Variants in ZNF717 observed in about 807,000 individuals in gnomAD.
ZNF717 encodes zinc finger protein 717.
In ZNF717, 9 loss-of-function variants were observed where a neutral mutation model predicts 13.8. That is an observed-to-expected ratio of 0.65 (90% CI 0.39 to 1.14). The LOEUF is 1.14. Ranked by LOEUF, ZNF717 falls within the 50% of genes most tolerant of loss-of-function variation. The pLI is 0.01. For synonymous variants in ZNF717, 327 were observed against 364.1 expected (o/e 0.90, Z 1.16); for missense variants, 1,040 against 1,080.7 (o/e 0.96, Z 0.53).
At chr3:75,745,416 T>C (rs140808933) in intron 2 of ZNF717, among the ~76,000 whole-genome samples, 45,092 of 151,684 alleles carry the variant, frequency 0.3, 7,780 homozygotes, top group East Asian at 0.56. Flanking sequence ...ACGCATACAT[T>C]GTGAAAAGGT....
chr3:75,725,779 C>T (rs1938267817), downstream of ZNF717, among the ~76,000 whole-genome samples: 1 of 152,200 alleles, frequency 6.6e-6, no homozygotes, highest in Non-Finnish European at 1.5e-5. Context: ...CAACACAGTC[C>T]TCATGATTCA....
chr3:75,749,521 A>G (rs796855698), intron 2 of ZNF717, among the ~76,000 whole-genome samples: 2 of 151,798 alleles, frequency 1.3e-5, no homozygotes, highest in African/African-American at 4.8e-5. Flanking sequence ...ACTCCACAAC[A>G]CTGCTGCTGT....
intron 2 of ZNF717, among the ~76,000 whole-genome samples, chr3:75,758,574 G>A (rs533385484): frequency 2.0e-5 from 3 of 151,334 alleles, no homozygotes; most frequent in African/African-American, 7.2e-5. Context: ...AAACAACATC[G>A]TATGCTACAG....
At chr3:75,777,206 A>G (rs11709762) in intron 2 of ZNF717, among the ~76,000 whole-genome samples, 46,642 of 151,724 alleles carry the variant, frequency 0.31, 8,743 homozygotes, top group Non-Finnish European at 0.42. Context: ...CCGGAAACCC[A>G]AAACAATGGG....
At chr3:75,748,957 G>A (rs1183634270) in intron 2 of ZNF717, among the ~76,000 whole-genome samples, 2 of 152,186 alleles carry the variant, frequency 1.3e-5, no homozygotes, top group African/African-American at 4.8e-5. Context: ...CACTACTGCT[G>A]TGGTCCGAGT....
chr3:75,704,431 A>ATG (rs1240359150), intron 6 of ZNF717, among the ~76,000 whole-genome samples: 8,290 of 144,388 alleles, frequency 0.057, no homozygotes, highest in East Asian at 0.17. Flanking sequence ...CAAGTGGGCC[A>ATG]TCTTTTAGAG....
At chr3:75,774,465 G>A (rs1944149457) in intron 2 of ZNF717, among the ~76,000 whole-genome samples, 1 of 152,080 alleles carries the variant, frequency 6.6e-6, no homozygotes, top group Non-Finnish European at 1.5e-5. Flanking sequence ...ACACCCAAAA[G>A]AGAGGTAAAC....
chr3:75,732,024 T>C, downstream of ZNF717: 2 of 701,672 alleles, frequency 2.9e-6, no homozygotes, highest in Admixed American at 2.0e-5. Context: ...ACCAGGGAGA[T>C]CCAGTTATGA....
rs1282739702 is a variant in ZNF717, at chr3:75,743,450, T to C, written c.58-1714A>G. Reference sequence around the variant, plus strand: ...TATACACTGGCATTTCAAAATTTCCTTTCTACGGGACAAAAAATTGCTGTA... The same window carrying C: ...TATACACTGGCATTTCAAAATTTCCCTTCTACGGGACAAAAAATTGCTGTA... On this transcript the variant is annotated intron_variant, in intron 2 of 4. Transcript: ENST00000652011. Among the ~76,000 whole-genome samples, 4 of 151,692 alleles carry C rather than the reference T, an allele frequency of 2.6e-5. No individual in the cohort carries two copies. The East Asian group carries it at 7.7e-4, about 29-fold the overall frequency.
chr3:75,777,004 A>G (rs1256872475), intron 2 of ZNF717, among the ~76,000 whole-genome samples: 2 of 152,246 alleles, frequency 1.3e-5, no homozygotes, highest in Admixed American at 6.5e-5. Context: ...TAAGGAGCAT[A>G]TGCCAAATTC....
At chr3:75,733,672 G>A (rs79112338), downstream of ZNF717, among the ~76,000 whole-genome samples, 22 of 150,074 alleles carry the variant, frequency 1.5e-4, no homozygotes, top group Non-Finnish European at 2.7e-4. Flanking sequence ...CTAGCTACTC[G>A]GGAGGCTGAG....
rs1945096952 is a variant in ZNF717 at position 75,785,451 on chromosome 3, TCCGGCCCCCCGGGATCCC to T, written c.-88_-71del. ...TGCTCCCACAACTGGGGAACACTGG[TCCGGCCCCCCGGGATCCC>T]CCGGGCCCACGGGTTCCTCTTCGCC... On this transcript the variant is annotated 5_prime_UTR_variant, in exon 1 of 5. Coordinates refer to ENST00000652011, the MANE Select transcript of ZNF717 (RefSeq NM_001290208.3). 2 of 152,794 alleles carry T rather than the reference TCCGGCCCCCCGGGATCCC, an allele frequency of 1.3e-5. No homozygotes were observed. Among genetic ancestry groups the T allele is most frequent in the Admixed American group, 6.5e-5 (1 of 15,314 alleles). 9.5% of individuals were successfully genotyped at this position (152,794 alleles called of 1,614,324 possible). A position where few individuals can be genotyped will look rare whatever the true frequency, so the allele number is the denominator to read the frequency against.
At chr3:75,741,073 T>C (rs1212496571) in intron 4 of ZNF717, among the ~76,000 whole-genome samples, 168 of 152,180 alleles carry the variant, frequency 1.1e-3, no homozygotes, top group Admixed American at 1.3e-3. Context: ...TTGGGGTAAA[T>C]AGAAGAAGAT....
In ZNF717 at chr3:75,737,524, T is replaced by C. The variant is rs772657994; in HGVS notation, c.2099A>G (p.Lys700Arg). 2 of 1,553,698 alleles carry C rather than the reference T, an allele frequency of 1.3e-6. No homozygotes were observed. Among genetic ancestry groups the C allele is most frequent in the South Asian group, 1.2e-5 (1 of 84,178 alleles). ...LLYIRELTPG[K>R]SPMNVMNVEN... ...CACATTCATTACATTCATAGGGCTT[T>C]TCCCCGGTGTGAGTTCTCTGATGTA... Residue 700 changes from lysine (K) to arginine (R), a missense_variant, in exon 5 of 5, where the codon AAA becomes AGA. This residue lies in a region of ZNF717 where 873 missense variants were observed against 832.8 expected (regional missense o/e 1.05). Transcript: ENST00000652011.
At chr3:75,728,570 C>A (rs1938346698), downstream of ZNF717, among the ~76,000 whole-genome samples, 1 of 149,128 alleles carries the variant, frequency 6.7e-6, no homozygotes, top group African/African-American at 2.5e-5. Context: ...ACCATGGGGG[C>A]AGTTTCCTCT....
intron 4 of ZNF717, among the ~76,000 whole-genome samples, chr3:75,718,030 G>A (rs1337377216): frequency 3.3e-5 from 5 of 152,150 alleles, no homozygotes; most frequent in African/African-American, 1.2e-4. Context: ...CAGGGAACAG[G>A]GAGAAGACAA....
chr3:75,763,357 C>A (rs1447499628), intron 2 of ZNF717, among the ~76,000 whole-genome samples: 2 of 152,150 alleles, frequency 1.3e-5, no homozygotes, highest in Non-Finnish European at 2.9e-5. Flanking sequence ...AATTCAAACA[C>A]CTGAGTCTGA....
chr3:75,774,937 A>G (rs1349572455), intron 2 of ZNF717, among the ~76,000 whole-genome samples: 2 of 150,932 alleles, frequency 1.3e-5, no homozygotes, highest in Non-Finnish European at 1.5e-5. Flanking sequence ...TAAAATTCTA[A>G]TATGTCTATA....
Position 75,785,536 on chromosome 3 carries a change from G to GCCT in ZNF717, c.-156_-155insAGG, listed in dbSNP as rs1945109220. ...GGGACATAGAACCAAGCCCCAGGCT[G>GCCT]GCCCAGCTACAAGACCGCCTCTGGG... On this transcript the variant is annotated 5_prime_UTR_variant, in exon 1 of 5. Coordinates refer to ENST00000652011, the MANE Select transcript of ZNF717 (RefSeq NM_001290208.3). 1 of 145,686 alleles carries GCCT rather than the reference G, an allele frequency of 6.9e-6. No homozygotes were observed. The highest frequency in any genetic ancestry group is 6.9e-5 in the Admixed American group (1 of 14,572). The allele number at this position is 145,686 out of a possible 1,614,324, so 9.0% of individuals were successfully genotyped here. A position where few individuals can be genotyped will look rare whatever the true frequency, so the allele number is the denominator to read the frequency against.
Sources: gnomAD v4.1 joint callset for allele counts (sites outside exome capture counted in the v4.1 genomes callset) on GRCh38, gnomAD v4.1.1 for gene constraint, gnomAD v4.1.1 regional missense constraint, MANE v1.5 for transcripts, NCBI Gene and HGNC (gene_info 2026-07-23, HGNC 2026-07-21) for gene names.